LYN: variants seen among roughly 807,000 people sequenced by gnomAD.
The protein encoded by LYN is tyrosine-protein kinase Lyn.
In LYN, 12 loss-of-function variants were observed where a neutral mutation model predicts 65.0. The observed-to-expected ratio is 0.18, with a 90% CI of 0.12 to 0.30. The LOEUF is 0.30. Ranked by LOEUF, LYN falls within the 10% of genes least tolerant of loss-of-function variation. The pLI, the probability that LYN is intolerant of heterozygous loss-of-function variation, is 1.00. For missense variants in LYN, 380 were observed against 623.2 expected (o/e 0.61, Z 4.16); for synonymous variants, 222 against 221.2 (o/e 1.00, Z -0.03).
Position 55,966,914 on chromosome 8 carries a change from G to T in LYN, c.973+17G>T. On this transcript the variant is annotated intron_variant, in intron 9 of 12. Coordinates refer to ENST00000519728, the MANE Select transcript of LYN (RefSeq NM_002350.4). Reference sequence around the variant, plus strand: ...TGGCCAAGGGTGAGTTCCTCCCACTGCCCAGAGCTTGCAAGGGCTTCAAAC... The same window carrying T: ...TGGCCAAGGGTGAGTTCCTCCCACTTCCCAGAGCTTGCAAGGGCTTCAAAC... 6.2e-7 allele frequency: 1 copy of T among 1,605,076 alleles called. No homozygotes were observed. Among genetic ancestry groups the T allele is most frequent in the South Asian group, 1.1e-5 (1 of 89,996 alleles).
chr8:55,905,612 C>T (rs1443292038), intron 1 of LYN, among the ~76,000 whole-genome samples: 1 of 152,088 alleles, frequency 6.6e-6, no homozygotes, highest in African/African-American at 2.4e-5. Flanking sequence ...CCACAAATGT[C>T]CCAGTTAAGA....
intron 12 of LYN, among the ~76,000 whole-genome samples, chr8:56,008,174 A>G (rs1470293461): frequency 6.6e-6 from 1 of 152,082 alleles, no homozygotes; most frequent in Non-Finnish European, 1.5e-5. Context: ...ACTCTAAAAA[A>G]GTCAATTTGT....
intron 2 of LYN, among the ~76,000 whole-genome samples, chr8:55,946,118 C>T (rs1585626402): frequency 6.6e-6 from 1 of 152,342 alleles, no homozygotes; most frequent in East Asian, 1.9e-4. Context: ...TGGAAGCACA[C>T]TCATTGAGCT....
intron 10 of LYN, among the ~76,000 whole-genome samples, chr8:55,975,983 CTCTTA>C (rs1428181575): frequency 6.6e-6 from 1 of 151,990 alleles, no homozygotes; most frequent in Non-Finnish European, 1.5e-5. Context: ...CAAGATCTGT[CTCTTA>C]TCTTAATGTT....
In LYN at chr8:55,946,473, G is replaced by C; in HGVS notation, c.158G>C (p.Gly53Ala). The C allele has an allele frequency of 6.2e-7, 1 of 1,610,752 alleles. No individual in the cohort carries two copies. The highest frequency in any genetic ancestry group is 8.5e-7 in the Non-Finnish European group (1 of 1,177,816). ...RPVPESQLLP[G>A]QRFQTKDPEE... ...GTTCCAGAATCTCAGCTTTTACCTG[G>C]ACAGAGGTTTCAAACTAAAGGTATG... The change falls in exon 3 of 13, where the codon GGA becomes GCA. Residue 53 changes from glycine (G) to alanine (A), a missense_variant. Physicochemically the swap from Gly to Ala is moderately conservative, Grantham distance 60. Transcript: ENST00000519728.
rs371276691 is a variant in LYN at position 55,952,032 on chromosome 8, T to C, written c.554T>C (p.Ile185Thr). ...GGTGATGTTATTAAGCACTACAAAA[T>C]TAGAAGTCTGGATAATGGGGGCTAT... Reference protein sequence around the residue: ...VHGDVIKHYKIRSLDNGGYYI... With the variant: ...VHGDVIKHYKTRSLDNGGYYI... The change falls in exon 7 of 13, where the codon ATT becomes ACT. Residue 185 changes from isoleucine (I) to threonine (T), a missense_variant. Transcript: ENST00000519728. 1.2e-6 allele frequency: 2 copies of C among 1,612,778 alleles called. No individual in the cohort carries two copies. The highest frequency in any genetic ancestry group is 1.7e-5 in the Admixed American group (1 of 59,484).
intron 3 of LYN, among the ~76,000 whole-genome samples, chr8:55,946,711 C>T (rs1806788507): frequency 6.6e-6 from 1 of 152,154 alleles, no homozygotes; most frequent in South Asian, 2.1e-4. Flanking sequence ...AATGCATCTT[C>T]TCAAACTCCA....
At chr8:55,945,232 G>A (rs138694704) in intron 2 of LYN, among the ~76,000 whole-genome samples, 8 of 152,310 alleles carry the variant, frequency 5.3e-5, no homozygotes, top group Admixed American at 1.3e-4. Flanking sequence ...ATATTAAAAT[G>A]TTTGTAAGTT....
chr8:55,975,363 T>C (rs918768380), intron 10 of LYN, among the ~76,000 whole-genome samples: 3 of 152,200 alleles, frequency 2.0e-5, no homozygotes, highest in African/African-American at 7.2e-5. Flanking sequence ...GAAAATCACT[T>C]TGTGGGCACC....
At chr8:55,998,736 A>G (rs1228372691) in intron 11 of LYN, among the ~76,000 whole-genome samples, 2 of 152,246 alleles carry the variant, frequency 1.3e-5, no homozygotes, top group African/African-American at 4.8e-5. Flanking sequence ...GTTGTATTTC[A>G]ATTAAGCAAT....
At chr8:56,007,934 C>T (rs982048785) in intron 12 of LYN, among the ~76,000 whole-genome samples, 1 of 151,994 alleles carries the variant, frequency 6.6e-6, no homozygotes. Flanking sequence ...GCCTGGCCAA[C>T]ATGGTGAAAC....
At chr8:55,943,933 A>T (rs1806699445) in intron 2 of LYN, among the ~76,000 whole-genome samples, 1 of 152,080 alleles carries the variant, frequency 6.6e-6, no homozygotes. Context: ...AAATACAAAA[A>T]TTAGCTGGGC....
At chr8:55,981,547 G>T (rs117817671) in intron 10 of LYN, among the ~76,000 whole-genome samples, 2,697 of 152,054 alleles carry the variant, frequency 0.018, 40 homozygotes, top group Non-Finnish European at 0.027. Flanking sequence ...ATAGAGATAG[G>T]GTCTCACTAC....
At chr8:55,899,177 T>C (rs1434326542) in intron 1 of LYN, among the ~76,000 whole-genome samples, 1 of 152,226 alleles carries the variant, frequency 6.6e-6, no homozygotes, top group Non-Finnish European at 1.5e-5. Context: ...GAAAATATAG[T>C]AAGAATAGCA....
chr8:55,914,016 G>T (rs1451189155), intron 1 of LYN, among the ~76,000 whole-genome samples: 1 of 152,150 alleles, frequency 6.6e-6, no homozygotes, highest in Non-Finnish European at 1.5e-5. Flanking sequence ...GGAAACAGGG[G>T]AGAGATGAAA....
At chr8:56,009,568 A>G (rs542572804) in intron 12 of LYN, among the ~76,000 whole-genome samples, 45 of 152,276 alleles carry the variant, frequency 3.0e-4, no homozygotes, top group Admixed American at 8.5e-4. Flanking sequence ...GTGTCTTCAC[A>G]TGGTCTTTCC....
intron 1 of LYN, among the ~76,000 whole-genome samples, chr8:55,885,789 A>G (rs1378289157): frequency 6.6e-6 from 1 of 152,170 alleles, no homozygotes; most frequent in Non-Finnish European, 1.5e-5. Context: ...TGCTGGAGAG[A>G]AAAGGCCCCA....
At chr8:55,902,031 G>A (rs907475827) in intron 1 of LYN, among the ~76,000 whole-genome samples, 1 of 150,690 alleles carries the variant, frequency 6.6e-6, no homozygotes, top group African/African-American at 2.4e-5. Flanking sequence ...TTTTTGAGAC[G>A]AGTTTCACTC....
At chr8:55,880,719 C>T (rs1038974806) in intron 1 of LYN, among the ~76,000 whole-genome samples, 2 of 152,208 alleles carry the variant, frequency 1.3e-5, no homozygotes, top group African/African-American at 2.4e-5. Flanking sequence ...CGGCGCCTCT[C>T]GGCCTGCCGA....
Sources: allele counts gnomAD v4.1 joint callset (sites outside exome capture counted in the v4.1 genomes callset), GRCh38; gene constraint gnomAD v4.1.1; transcripts MANE v1.5; gene names NCBI Gene and HGNC (gene_info 2026-07-23, HGNC 2026-07-21).